The following SLC44A5 variants were observed in gnomAD, a reference collection of about 807,000 sequenced individuals.
SLC44A5 encodes the protein choline transporter-like protein 5.
SLC44A5 carries 57 observed loss-of-function variants against 101.8 expected under a neutral mutation model. That is an observed-to-expected ratio of 0.56 (90% CI 0.45 to 0.70). The LOEUF is 0.70. Among genes scored for constraint, SLC44A5 ranks in the 30% least tolerant of loss-of-function variants. The pLI is 0.00. For missense variants in SLC44A5, 737 were observed against 853.1 expected (o/e 0.86, Z 1.70); for synonymous variants, 281 against 290.9 (o/e 0.97, Z 0.35).
intron 3 of SLC44A5, among the ~76,000 whole-genome samples, chr1:75,368,905 T>A (rs1014838333): frequency 1.3e-5 from 2 of 152,176 alleles, no homozygotes; most frequent in Non-Finnish European, 2.9e-5. Flanking sequence ...TGTATCAACA[T>A]CATTAAAGTC....
intron 2 of SLC44A5, among the ~76,000 whole-genome samples, chr1:75,410,593 T>C (rs1289525513): frequency 6.6e-6 from 1 of 152,106 alleles, no homozygotes; most frequent in African/African-American, 2.4e-5. Context: ...TATCAGCCTT[T>C]ATAATATGCC....
chr1:75,399,942 C>G (rs751432122), intron 2 of SLC44A5, among the ~76,000 whole-genome samples: 1 of 152,044 alleles, frequency 6.6e-6, no homozygotes, highest in Non-Finnish European at 1.5e-5. Context: ...AAGTGTTCAC[C>G]AACAGTAGGT....
intron 3 of SLC44A5, among the ~76,000 whole-genome samples, chr1:75,344,938 G>T (rs1205095807): frequency 6.6e-6 from 1 of 151,966 alleles, no homozygotes; most frequent in African/African-American, 2.4e-5. Context: ...TGAGATCTTG[G>T]TTATTTCTCT....
chr1:75,661,386 G>GAAAAAAAAAAAAAA, the SLC44A5 span, among the ~76,000 whole-genome samples: 1 of 10,378 alleles, frequency 9.6e-5, no homozygotes, highest in Non-Finnish European at 1.6e-4. Flanking sequence ...ACTACTGCAA[G>GAAAAAAAAAAAAAA]TAAAAAAAAA....
chr1:75,599,242 A>C (rs1674829035), intron 1 of SLC44A5, among the ~76,000 whole-genome samples: 1 of 152,170 alleles, frequency 6.6e-6, no homozygotes, highest in Non-Finnish European at 1.5e-5. Context: ...AAGGGACAAA[A>C]AGATTGGGAG....
intron 1 of SLC44A5, among the ~76,000 whole-genome samples, chr1:75,551,275 G>A (rs1671922690): frequency 6.6e-6 from 1 of 152,068 alleles, no homozygotes; most frequent in Admixed American, 6.6e-5. Context: ...ATATTGACAG[G>A]GAGGGACCTG....
chr1:75,665,750 A>G, the SLC44A5 span, among the ~76,000 whole-genome samples: 3 of 152,186 alleles, frequency 2.0e-5, no homozygotes, highest in African/African-American at 7.2e-5. Context: ...GGAACCTATA[A>G]AGAACTAAAA....
chr1:75,218,590 A>G lies in SLC44A5; in HGVS notation c.1429T>C (p.Cys477Arg). The G allele has an allele frequency of 6.2e-7, 1 of 1,613,862 alleles. No homozygotes were observed. Among genetic ancestry groups the G allele is most frequent in the Non-Finnish European group, 8.5e-7 (1 of 1,179,792 alleles). The stretch of plus-strand genomic sequence containing the variant: ...GTAGCGAATGCACCAGCAAGGGCGC[A>G]CTGACCTAATGCAATGACGAAGTTT... Reference protein sequence around the residue: ...LINFVIALGQCALAGAFATYY... With the variant: ...LINFVIALGQRALAGAFATYY... The change falls in exon 17 of 24, where the codon TGC (cysteine) becomes CGC (arginine). Residue 477 changes from cysteine (C) to arginine (R), a missense_variant. Physicochemically the swap from Cys to Arg is radical, Grantham distance 180 (BLOSUM62 -3). Around this residue, in one of 3 missense-constraint regions of SLC44A5, gnomAD observed 665 missense variants for 764.4 expected, o/e 0.87. Transcript: ENST00000370859.
chr1:75,572,897 C>T (rs1461662359), intron 1 of SLC44A5, among the ~76,000 whole-genome samples: 2 of 151,792 alleles, frequency 1.3e-5, no homozygotes, highest in Non-Finnish European at 2.9e-5. Context: ...CTAAGGCAGG[C>T]AGATCGCCTG....
chr1:75,362,776 G>A (rs1317144705), intron 3 of SLC44A5, among the ~76,000 whole-genome samples: 1 of 151,904 alleles, frequency 6.6e-6, no homozygotes, highest in Non-Finnish European at 1.5e-5. Context: ...TAATCCTGTT[G>A]GACTGCATGT....
chr1:75,618,980 G>C, the SLC44A5 span, among the ~76,000 whole-genome samples: 1 of 149,300 alleles, frequency 6.7e-6, no homozygotes, highest in Non-Finnish European at 1.5e-5. Context: ...TGAGACAGGA[G>C]AATCGCTTGA....
intron 1 of SLC44A5, among the ~76,000 whole-genome samples, chr1:75,553,957 G>A (rs1557901541): frequency 6.6e-6 from 1 of 152,076 alleles, no homozygotes; most frequent in African/African-American, 2.4e-5. Context: ...GCACTGTCAG[G>A]TTGCTCCCCC....
chr1:75,715,289 A>C, the SLC44A5 span, among the ~76,000 whole-genome samples: 1 of 152,204 alleles, frequency 6.6e-6, no homozygotes, highest in Non-Finnish European at 1.5e-5. Context: ...AGTTTAAAAA[A>C]ACAATATTTT....
the SLC44A5 span, among the ~76,000 whole-genome samples, chr1:75,677,425 C>T: frequency 6.6e-6 from 1 of 152,032 alleles, no homozygotes; most frequent in Non-Finnish European, 1.5e-5. Context: ...AAAATAATGG[C>T]TTATACTATT....
At chr1:75,395,603 T>G (rs2101392032) in intron 3 of SLC44A5, among the ~76,000 whole-genome samples, 1 of 152,124 alleles carries the variant, frequency 6.6e-6, no homozygotes, top group African/African-American at 2.4e-5. Context: ...AATAAATGGG[T>G]TTTGAGAAAA....
At chr1:75,665,062 C>T in the SLC44A5 span, among the ~76,000 whole-genome samples, 4,269 of 152,018 alleles carry the variant, frequency 0.028, 94 homozygotes, top group Non-Finnish European at 0.042. Flanking sequence ...AATGCTATTT[C>T]GATCAAGCTA....
chr1:75,522,195 T>A (rs1670164796), intron 2 of SLC44A5: 1 of 152,172 alleles, frequency 6.6e-6, no homozygotes, highest in South Asian at 2.1e-4. Flanking sequence ...GTGACTTTAG[T>A]ACAAACGACA....
chr1:75,312,680 G>A (rs1876033), intron 4 of SLC44A5, among the ~76,000 whole-genome samples: 27,549 of 149,730 alleles, frequency 0.18, 2,659 homozygotes, highest in Middle Eastern at 0.31. Context: ...ATAATAATAT[G>A]TATAATCTAT....
intron 2 of SLC44A5, among the ~76,000 whole-genome samples, chr1:75,489,154 G>T (rs1460514369): frequency 6.6e-6 from 1 of 152,066 alleles, no homozygotes; most frequent in Non-Finnish European, 1.5e-5. Flanking sequence ...TACTATGATA[G>T]CTGTTCTCCA....
Sources: allele counts gnomAD v4.1 joint callset (sites outside exome capture counted in the v4.1 genomes callset), GRCh38; gene constraint gnomAD v4.1.1; regional missense constraint gnomAD v4.1.1; transcripts MANE v1.5; gene names NCBI Gene and HGNC (gene_info 2026-07-23, HGNC 2026-07-21).